Variants in THRAP3 observed in about 807,000 individuals in gnomAD.
The protein encoded by THRAP3 is thyroid hormone receptor associated protein 3.
THRAP3 carries 16 observed loss-of-function variants against 101.0 expected under a neutral mutation model. That is an observed-to-expected ratio of 0.16 (90% CI 0.11 to 0.24). The LOEUF is 0.24. THRAP3 is among the 10% of genes least tolerant of loss of function. THRAP3 has a pLI of 1.00. For synonymous variants in THRAP3, 407 were observed against 422.6 expected, an observed-to-expected ratio of 0.96 and a Z score of 0.45; for missense variants, 989 against 1,202.7, an observed-to-expected ratio of 0.82 and a Z score of 2.63.
At chr1:36,260,948 ACTTTTC>A (rs1212584620) in intron 2 of THRAP3, among the ~76,000 whole-genome samples, 1 of 151,772 alleles carries the variant, frequency 6.6e-6, no homozygotes, top group Non-Finnish European at 1.5e-5. Context: ...TGTTGTGTTT[ACTTTTC>A]CTTTTTTGTA....
chr1:36,239,465 C>T (rs1479322538), intron 1 of THRAP3, among the ~76,000 whole-genome samples: 1 of 152,098 alleles, frequency 6.6e-6, no homozygotes, highest in Non-Finnish European at 1.5e-5. Flanking sequence ...CGAGGTTTCA[C>T]CATGTTGCCC....
At chr1:36,211,640 C>T in the THRAP3 span, among the ~76,000 whole-genome samples, 3 of 152,212 alleles carry the variant, frequency 2.0e-5, no homozygotes, top group African/African-American at 7.2e-5. Context: ...TACCCACTGA[C>T]TGGTGAGGGA....
rs1180715391 is a variant in THRAP3 at position 36,282,661 on chromosome 1, G to A, written c.98G>A (p.Arg33Gln). Residue 33 changes from arginine (R) to glutamine (Q), a missense_variant, in exon 3 of 12, where the codon CGA becomes CAA. Physicochemically the swap from Arg to Gln is conservative, Grantham distance 43. Transcript: ENST00000354618. ...RSRSFSKSRS[R>Q]SRSLSRSRKR... is the part of the protein sequence containing the mutation. ...CGTTCATTTTCGAAGTCTCGGTCCC[G>A]AAGCCGATCTCTCTCTCGTTCAAGG... The A allele has an allele frequency of 1.1e-5, 17 of 1,614,156 alleles. No individual in the cohort carries two copies. Among genetic ancestry groups the A allele is most frequent in the East Asian group, 2.2e-5 (1 of 44,880 alleles).
intron 1 of THRAP3, among the ~76,000 whole-genome samples, chr1:36,224,723 T>TTC (rs2124310121): frequency 1.3e-5 from 2 of 152,188 alleles, no homozygotes; most frequent in East Asian, 3.9e-4. Flanking sequence ...CCGGCCTAGC[T>TTC]CCCAAGGCTC....
At chr1:36,210,310 G>C in the THRAP3 span, among the ~76,000 whole-genome samples, 1 of 149,322 alleles carries the variant, frequency 6.7e-6, no homozygotes, top group African/African-American at 2.5e-5. Flanking sequence ...AGCTTGCAGT[G>C]AGCGGAGATA....
chr1:36,291,600 A>T, intron 6 of THRAP3, 54 bp downstream of exon 6: 1 of 1,582,940 alleles, frequency 6.3e-7, no homozygotes, highest in Non-Finnish European at 8.6e-7. Flanking sequence ...TAGAAGAAGG[A>T]TGAATGATGG....
intron 1 of THRAP3, among the ~76,000 whole-genome samples, chr1:36,235,240 C>T (rs747537934): frequency 8.6e-5 from 13 of 151,998 alleles, no homozygotes; most frequent in Non-Finnish European, 1.2e-4. Flanking sequence ...TTATAATTTT[C>T]TTTTTTCTGT....
intron 2 of THRAP3, among the ~76,000 whole-genome samples, chr1:36,275,650 G>T (rs1354686997): frequency 1.4e-5 from 2 of 141,190 alleles, no homozygotes; most frequent in African/African-American, 5.3e-5. Flanking sequence ...CACTCTTATT[G>T]CCCAGGCTGG....
Position 36,287,007 on chromosome 1 carries a change from G to C in THRAP3, c.777G>C (p.Val259=), listed in dbSNP as rs751384808. 2 of 1,614,088 alleles carry C rather than the reference G, an allele frequency of 1.2e-6. No homozygotes were observed. The highest frequency in any genetic ancestry group is 1.7e-6 in the Non-Finnish European group (2 of 1,180,046). Residue 259 remains valine, a synonymous_variant, in exon 4 of 12, where the codon GTG becomes GTC. Coordinates refer to ENST00000354618, the MANE Select transcript of THRAP3 (RefSeq NM_005119.4). ...PALKSPLQSV[V]VRRRSPRPSP... The stretch of plus-strand genomic sequence containing the variant: ...TCAAAAGCCCCCTCCAGTCTGTGGT[G>C]GTGAGGCGGCGGTCACCCCGTCCTA...
chr1:36,231,722 C>T (rs1042249479), intron 1 of THRAP3, among the ~76,000 whole-genome samples: 3 of 152,066 alleles, frequency 2.0e-5, no homozygotes, highest in East Asian at 1.9e-4. Flanking sequence ...GTAAAGTTAA[C>T]GAGGAAGTTT....
chr1:36,267,163 C>A (rs758301037), intron 2 of THRAP3, among the ~76,000 whole-genome samples: 1 of 152,082 alleles, frequency 6.6e-6, no homozygotes, highest in Non-Finnish European at 1.5e-5. Flanking sequence ...GTATTACAGG[C>A]GTGAGCCACC....
chr1:36,301,733 C>T, intron 11 of THRAP3, 37 bp downstream of exon 11: 1 of 1,587,006 alleles, frequency 6.3e-7, no homozygotes, highest in African/African-American at 1.4e-5. Context: ...GGTTAGAGGG[C>T]CTTTGACACA....
intron 1 of THRAP3, among the ~76,000 whole-genome samples, chr1:36,226,454 T>C (rs748295560): frequency 6.6e-6 from 1 of 152,124 alleles, no homozygotes; most frequent in Non-Finnish European, 1.5e-5. Context: ...GAGACGGGGT[T>C]TCACCATGTT....
chr1:36,302,297 G>A (rs1557462086), intron 11 of THRAP3, among the ~76,000 whole-genome samples: 1 of 152,206 alleles, frequency 6.6e-6, no homozygotes, highest in Admixed American at 6.5e-5. Context: ...TATAACTAAG[G>A]TAAAGGAGCA....
At chr1:36,275,916 G>C (rs1645653639) in intron 2 of THRAP3, among the ~76,000 whole-genome samples, 1 of 152,124 alleles carries the variant, frequency 6.6e-6, no homozygotes, top group Non-Finnish European at 1.5e-5. Context: ...CTACTCAGGA[G>C]ACTGGGGTGG....
chr1:36,301,489 AGG>A, intron 10 of THRAP3, 62 bp from the exon 11 acceptor site: 3 of 1,571,538 alleles, frequency 1.9e-6, no homozygotes, highest in Non-Finnish European at 2.6e-6. Flanking sequence ...AACAAAAAGC[AGG>A]GGGGTTTGTT....
upstream of THRAP3, among the ~76,000 whole-genome samples, chr1:36,224,062 T>TTCCA (rs1234313287): frequency 6.6e-6 from 1 of 152,222 alleles, no homozygotes; most frequent in Non-Finnish European, 1.5e-5. Context: ...GAGACTCGAC[T>TTCCA]TCCAACTCGG....
chr1:36,219,556 T>G (rs1444481781), upstream of THRAP3, among the ~76,000 whole-genome samples: 1 of 151,786 alleles, frequency 6.6e-6, no homozygotes, highest in Non-Finnish European at 1.5e-5. Flanking sequence ...TCTCAAGAGG[T>G]TGGGATTACA....
chr1:36,291,624 TTTG>T (rs1157232517), intron 6 of THRAP3, 78 bp downstream of exon 6: 13 of 1,521,122 alleles, frequency 8.5e-6, no homozygotes, highest in Non-Finnish European at 1.2e-5. Flanking sequence ...GATAAGGAGT[TTTG>T]GGGGACCTTG....
Sources: gnomAD v4.1 joint callset for allele counts (sites outside exome capture counted in the v4.1 genomes callset) on GRCh38, gnomAD v4.1.1 for gene constraint, MANE v1.5 for transcripts, NCBI Gene and HGNC (gene_info 2026-07-23, HGNC 2026-07-21) for gene names.